Variants in BBX observed in about 807,000 individuals in gnomAD.
BBX encodes HMG box transcription factor BBX.
In BBX, 30 loss-of-function variants were observed where a neutral mutation model predicts 100.2. That is an observed-to-expected ratio of 0.30 (90% CI 0.22 to 0.41). The LOEUF (loss-of-function observed/expected upper bound fraction) is 0.41, where lower values mean the gene tolerates loss of function less well. Among genes scored for constraint, BBX ranks in the 10% least tolerant of loss-of-function variants. BBX has a pLI of 1.00. For synonymous variants in BBX, 376 were observed against 388.1 expected, an observed-to-expected ratio of 0.97 and a Z score of 0.37; for missense variants, 1,023 against 1,129.8, an observed-to-expected ratio of 0.91 and a Z score of 1.35.
In BBX at chr3:107,524,614, A is replaced by AG. The variant is rs35467685; in HGVS notation, c.-156+1520dup. 181 of 53,912 alleles carry AG rather than the reference A, an allele frequency of 3.4e-3. 1 individual carries two copies. The highest frequency in any genetic ancestry group is 4.7e-3 in the Non-Finnish European group (140 of 29,804). 3.3% of individuals were successfully genotyped at this position (53,912 alleles called of 1,614,324 possible). ...AGCTAAGACACAACATGTACGACAG[A>AG]GGGGGGGGGGGGGAGAGGGAGAGAC... On this transcript the variant is annotated intron_variant, in intron 1 of 17. Coordinates refer to ENST00000325805, the MANE Select transcript of BBX (RefSeq NM_001142568.3).
rs985708028 is a variant in BBX, at chr3:107,806,138, G to C, written c.*681G>C. On this transcript the variant is annotated 3_prime_UTR_variant, in exon 18 of 18. Transcript: ENST00000325805. ...GGCAAAAAAAAAAAAAAAAGAGAGA[G>C]AGAAAAAATTACAACTCTTACAATC... The C allele has an allele frequency of 1.3e-5, 2 of 151,252 alleles. No homozygotes were observed. Among genetic ancestry groups the C allele is most frequent in the African/African-American group, 4.9e-5 (2 of 41,168 alleles). 9.4% of individuals were successfully genotyped at this position (151,252 alleles called of 1,614,324 possible). A position where few individuals can be genotyped will look rare whatever the true frequency, so the allele number is the denominator to read the frequency against.
intron 15 of BBX, among the ~76,000 whole-genome samples, chr3:107,792,154 G>A (rs1396216647): frequency 6.6e-6 from 1 of 152,180 alleles, no homozygotes; most frequent in African/African-American, 2.4e-5. Flanking sequence ...CTTAGGTGAA[G>A]CCTAATTTCT....
chr3:107,710,485 G>A lies in BBX; in HGVS notation c.25G>A (p.Asp9Asn), dbSNP rs528150696. MKGSNRNK[D>N]HSAEGEGVGK... The stretch of plus-strand genomic sequence containing the variant: ...AATGAAAGGCAGTAATAGAAATAAG[G>A]ATCATTCAGCAGAAGGAGAAGGGGT... Residue 9 changes from aspartate to asparagine, a missense_variant, in exon 4 of 18, where the codon GAT becomes AAT. Physicochemically the swap from Asp to Asn is conservative, Grantham distance 23. This residue lies in a region of BBX where 229 missense variants were observed against 226.3 expected (regional missense o/e 1.01). Coordinates refer to ENST00000325805, the MANE Select transcript of BBX (RefSeq NM_001142568.3). 2 of 1,613,346 alleles carry A rather than the reference G, an allele frequency of 1.2e-6. No homozygotes were observed. Among genetic ancestry groups the A allele is most frequent in the East Asian group, 2.2e-5 (1 of 44,814 alleles).
chr3:107,561,029 A>G (rs1418963033), intron 2 of BBX, among the ~76,000 whole-genome samples: 1 of 152,154 alleles, frequency 6.6e-6, no homozygotes, highest in South Asian at 2.1e-4. Flanking sequence ...CCTTTTAACT[A>G]CTAGGTGCTA....
chr3:107,642,222 AG>A (rs894214099), intron 2 of BBX, among the ~76,000 whole-genome samples: 1 of 152,226 alleles, frequency 6.6e-6, no homozygotes, highest in African/African-American at 2.4e-5. Flanking sequence ...AGGACAGGGA[AG>A]GCTTTAATTA....
intron 13 of BBX, among the ~76,000 whole-genome samples, chr3:107,787,798 C>T (rs575899232): frequency 3.3e-5 from 5 of 152,218 alleles, no homozygotes; most frequent in South Asian, 2.1e-4. Flanking sequence ...GTTAGCCGTG[C>T]GGACATCTTG....
intron 8 of BBX, among the ~76,000 whole-genome samples, 188 bp downstream of exon 8, chr3:107,744,898 A>G (rs139927413): frequency 6.6e-6 from 1 of 152,334 alleles, no homozygotes; most frequent in East Asian, 1.9e-4. Flanking sequence ...AACTACATTT[A>G]TGCGTTTATA....
chr3:107,699,241 A>G (rs1267113881), intron 3 of BBX, among the ~76,000 whole-genome samples: 6 of 151,852 alleles, frequency 4.0e-5, no homozygotes, highest in Non-Finnish European at 7.3e-5. Context: ...GATCCAAGCT[A>G]AGCCCCGAAG....
chr3:107,781,199 T>C (rs1324906489), intron 13 of BBX, among the ~76,000 whole-genome samples: 1 of 152,062 alleles, frequency 6.6e-6, no homozygotes, highest in Non-Finnish European at 1.5e-5. Context: ...TTCCCAGTAG[T>C]CTCCATATTC....
At chr3:107,772,255 G>A (rs538564417) in intron 10 of BBX, among the ~76,000 whole-genome samples, 1 of 152,322 alleles carries the variant, frequency 6.6e-6, no homozygotes, top group Non-Finnish European at 1.5e-5. Context: ...CCACAGAGGA[G>A]TGAGGGGGTA....
intron 2 of BBX, among the ~76,000 whole-genome samples, chr3:107,621,435 A>C (rs878867680): frequency 6.6e-6 from 1 of 152,172 alleles, no homozygotes; most frequent in Non-Finnish European, 1.5e-5. Context: ...TACCTCATGG[A>C]TATGCACATG....
At chr3:107,692,202 A>ATTTAT (rs1330808822) in intron 3 of BBX, among the ~76,000 whole-genome samples, 159 of 145,246 alleles carry the variant, frequency 1.1e-3, no homozygotes, top group African/African-American at 4.1e-3. Flanking sequence ...TTATTTATTT[A>ATTTAT]TTATTATTAT....
intron 2 of BBX, among the ~76,000 whole-genome samples, chr3:107,555,837 A>G (rs937560301): frequency 3.3e-5 from 5 of 152,226 alleles, no homozygotes; most frequent in Non-Finnish European, 5.9e-5. Flanking sequence ...TTCTGTATGA[A>G]TAGTCCTCCC....
chr3:107,553,324 T>C (rs2049843835), intron 2 of BBX, among the ~76,000 whole-genome samples: 1 of 152,218 alleles, frequency 6.6e-6, no homozygotes, highest in Non-Finnish European at 1.5e-5. Flanking sequence ...ATTTTATCTA[T>C]GAAGAACCTA....
At chr3:107,798,221 A>G (rs980629297) in intron 15 of BBX, among the ~76,000 whole-genome samples, 49 of 152,272 alleles carry the variant, frequency 3.2e-4, no homozygotes, top group African/African-American at 1.2e-3. Flanking sequence ...ACAAGAGGAC[A>G]TAATTTACTC....
intron 2 of BBX, among the ~76,000 whole-genome samples, chr3:107,626,003 A>AT (rs2056144606): frequency 6.6e-6 from 1 of 152,054 alleles, no homozygotes; most frequent in Non-Finnish European, 1.5e-5. Context: ...AAAAAAGGGG[A>AT]TTTTCACTTA....
intron 2 of BBX, among the ~76,000 whole-genome samples, chr3:107,608,512 G>A (rs1559868547): frequency 6.6e-6 from 1 of 152,012 alleles, no homozygotes; most frequent in Non-Finnish European, 1.5e-5. Context: ...CTCCAGTTTT[G>A]TTCTTTTTTG....
intron 7 of BBX, among the ~76,000 whole-genome samples, chr3:107,735,283 A>G (rs898447769): frequency 6.6e-6 from 1 of 152,144 alleles, no homozygotes; most frequent in Non-Finnish European, 1.5e-5. Flanking sequence ...CATGGGACAA[A>G]TGTAATAAAT....
chr3:107,573,565 A>C (rs906904739), intron 2 of BBX, among the ~76,000 whole-genome samples: 1 of 149,250 alleles, frequency 6.7e-6, no homozygotes, highest in South Asian at 2.1e-4. Context: ...GTCTCAAAAC[A>C]AACAAACAAA....
Sources: allele counts gnomAD v4.1 joint callset (sites outside exome capture counted in the v4.1 genomes callset), GRCh38; gene constraint gnomAD v4.1.1; regional missense constraint gnomAD v4.1.1; transcripts MANE v1.5; gene names NCBI Gene and HGNC (gene_info 2026-07-23, HGNC 2026-07-21).